VWC2L: variants seen among roughly 807,000 people sequenced by gnomAD.
The protein encoded by VWC2L is von Willebrand factor C domain-containing protein 2-like.
VWC2L carries 10 observed loss-of-function variants against 21.6 expected under a neutral mutation model. The ratio of observed to expected loss-of-function variants is 0.46; its 90% CI spans 0.29 to 0.78. VWC2L has a LOEUF of 0.78. Among genes scored for constraint, VWC2L ranks in the 30% least tolerant of loss-of-function variants. The pLI, the probability that VWC2L is intolerant of heterozygous loss-of-function variation, is 0.10. For missense variants in VWC2L, 209 were observed against 277.1 expected, an observed-to-expected ratio of 0.75 and a Z score of 1.74; for synonymous variants, 96 against 94.3, an observed-to-expected ratio of 1.02 and a Z score of -0.10.
At chr2:214,563,221 C>G (rs1212756022) in intron 3 of VWC2L, among the ~76,000 whole-genome samples, 1 of 151,992 alleles carries the variant, frequency 6.6e-6, no homozygotes, top group Non-Finnish European at 1.5e-5. Flanking sequence ...AATCCTTTCC[C>G]CATTACTTGT....
At chr2:214,566,868 T>C (rs1336227836) in intron 3 of VWC2L, among the ~76,000 whole-genome samples, 1 of 152,202 alleles carries the variant, frequency 6.6e-6, no homozygotes. Flanking sequence ...GAAATCCTAT[T>C]TGATTTTTCA....
intron 3 of VWC2L, among the ~76,000 whole-genome samples, chr2:214,458,011 C>A (rs115034490): frequency 1.3e-5 from 2 of 151,934 alleles, no homozygotes; most frequent in South Asian, 4.1e-4. Context: ...CCTCCTCTTC[C>A]GTTTTTTTGA....
intron 3 of VWC2L, among the ~76,000 whole-genome samples, chr2:214,497,212 G>GAA (rs58393156): frequency 1.8e-3 from 281 of 151,922 alleles, no homozygotes; most frequent in Middle Eastern, 6.8e-3. Context: ...TATTGGAAAG[G>GAA]AAAAAAAACC....
intron 3 of VWC2L, among the ~76,000 whole-genome samples, chr2:214,574,047 CAGG>C (rs1252892546): frequency 6.6e-6 from 1 of 152,202 alleles, no homozygotes; most frequent in East Asian, 1.9e-4. Context: ...GAGGCTGAGG[CAGG>C]AGAATTGCTC....
rs572315283 is a variant in VWC2L, at chr2:214,495,538, G to A, written c.520+58780G>A. ...GACTACCACTTAGGAACCACTGGCA[G>A]AGAACTTCACTGCCCCACTAGTTTG... On this transcript the variant is annotated intron_variant, in intron 3 of 3. Transcript: ENST00000312504. Among the ~76,000 whole-genome samples the A allele has an allele frequency of 2.1e-3, 313 of 152,274 alleles. 1 individual carries two copies. Among genetic ancestry groups the A allele is most frequent in the African/African-American group, 7.3e-3 (303 of 41,556 alleles).
intron 3 of VWC2L, among the ~76,000 whole-genome samples, chr2:214,504,417 GTTTC>G (rs1688938953): frequency 6.6e-6 from 1 of 152,198 alleles, no homozygotes; most frequent in Non-Finnish European, 1.5e-5. Flanking sequence ...GGGCATGGTA[GTTTC>G]TTTCTGCAGC....
intron 3 of VWC2L, among the ~76,000 whole-genome samples, chr2:214,494,003 C>T (rs1427995598): frequency 6.6e-6 from 1 of 152,138 alleles, no homozygotes; most frequent in Admixed American, 6.5e-5. Context: ...TCCTAATAAG[C>T]TAACAAACTA....
intron 3 of VWC2L, among the ~76,000 whole-genome samples, chr2:214,446,674 A>AT (rs943610105): frequency 1.1e-4 from 16 of 152,166 alleles, no homozygotes; most frequent in South Asian, 6.2e-4. Context: ...CTTGGGGACT[A>AT]TTTTTTCCCT....
chr2:214,519,173 C>G (rs1183713046), intron 3 of VWC2L, among the ~76,000 whole-genome samples: 1 of 152,162 alleles, frequency 6.6e-6, no homozygotes, highest in Non-Finnish European at 1.5e-5. Context: ...TTCATGTGTT[C>G]CTGGAATTGC....
chr2:214,521,742 A>C (rs1025469289), intron 3 of VWC2L, among the ~76,000 whole-genome samples: 3 of 152,242 alleles, frequency 2.0e-5, no homozygotes, highest in African/African-American at 7.2e-5. Flanking sequence ...TTGCTCTACG[A>C]AACCATACCA....
intron 3 of VWC2L, among the ~76,000 whole-genome samples, chr2:214,484,507 T>A (rs1048623529): frequency 6.6e-6 from 1 of 152,104 alleles, no homozygotes; most frequent in Non-Finnish European, 1.5e-5. Flanking sequence ...ATTTCCCCTA[T>A]GAACAATGGC....
At chr2:214,555,317 C>G (rs1323368618) in intron 3 of VWC2L, among the ~76,000 whole-genome samples, 1 of 152,132 alleles carries the variant, frequency 6.6e-6, no homozygotes, top group African/African-American at 2.4e-5. Flanking sequence ...TGTATAAAAT[C>G]CAGCTGTAAT....
In VWC2L at chr2:214,516,993, C is replaced by G. The variant is rs180674262; in HGVS notation, c.521-58679C>G. On this transcript the variant is annotated intron_variant, in intron 3 of 3. Transcript: ENST00000312504. The stretch of plus-strand genomic sequence containing the variant: ...TTTTGCCCTAGCAATTCTTCACTCT[C>G]ACTCTCATTCTCACTTTTGCTCTCT... Among the ~76,000 whole-genome samples the G allele has an allele frequency of 2.5e-4, 38 of 152,370 alleles. No homozygotes were observed. The East Asian group carries it at 6.5e-3, about 26-fold the overall frequency.
intron 3 of VWC2L, among the ~76,000 whole-genome samples, chr2:214,558,733 T>A (rs914898451): frequency 1.3e-5 from 2 of 151,992 alleles, no homozygotes; most frequent in African/African-American, 4.8e-5. Context: ...AAAACCAGCG[T>A]CATCTATGTA....
chr2:214,482,853 C>A lies in VWC2L; in HGVS notation c.520+46095C>A, dbSNP rs549195075. ...TTTGAATTTTTCCCCCTATTTCTCC[C>A]TAAGACCTATTGTCCTGGATTCTGA... On this transcript the variant is annotated intron_variant, in intron 3 of 3. Transcript: ENST00000312504. 2.0e-5 allele frequency among the ~76,000 whole-genome samples: 3 copies of A among 152,112 alleles called. No homozygotes were observed. In the South Asian group the frequency reaches 6.2e-4, roughly 32 times the overall value.
intron 3 of VWC2L, among the ~76,000 whole-genome samples, chr2:214,518,192 T>C (rs1689175906): frequency 6.6e-6 from 1 of 152,056 alleles, no homozygotes; most frequent in Non-Finnish European, 1.5e-5. Flanking sequence ...ATTAGTACTG[T>C]ATGTCAACTG....
rs574603046 is a variant in VWC2L, at chr2:214,564,871, C to T, written c.521-10801C>T. Reference sequence around the variant, plus strand: ...TGCTGCCCCTTTATCCTACACATCTCCTCCCTCATCAGTAGCCCCTTTCCC... The same window carrying T: ...TGCTGCCCCTTTATCCTACACATCTTCTCCCTCATCAGTAGCCCCTTTCCC... On this transcript the variant is annotated intron_variant, in intron 3 of 3. Transcript: ENST00000312504. Among the ~76,000 whole-genome samples the T allele has an allele frequency of 2.6e-5, 4 of 152,226 alleles. No individual in the cohort carries two copies. The South Asian group carries it at 8.3e-4, about 32-fold the overall frequency.
At chr2:214,515,276 C>T (rs1377682716) in intron 3 of VWC2L, among the ~76,000 whole-genome samples, 2 of 152,144 alleles carry the variant, frequency 1.3e-5, no homozygotes, top group African/African-American at 4.8e-5. Context: ...ATCTCAAAGG[C>T]CACAGTGATA....
intron 3 of VWC2L, among the ~76,000 whole-genome samples, chr2:214,490,005 A>T (rs1350553720): frequency 6.6e-6 from 1 of 152,228 alleles, no homozygotes; most frequent in Admixed American, 6.5e-5. Flanking sequence ...AGCTGGAAAT[A>T]GTTTAACTGT....
Sources: gnomAD v4.1 joint callset for allele counts (sites outside exome capture counted in the v4.1 genomes callset) on GRCh38, gnomAD v4.1.1 for gene constraint, MANE v1.5 for transcripts, NCBI Gene and HGNC (gene_info 2026-07-23, HGNC 2026-07-21) for gene names.